MACROD2: variants seen among roughly 807,000 people sequenced by gnomAD.
MACROD2 encodes mono-ADP ribosylhydrolase 2.
MACROD2 carries 36 observed loss-of-function variants against 70.4 expected under a neutral mutation model. The ratio of observed to expected loss-of-function variants is 0.51; its 90% CI spans 0.39 to 0.68. The LOEUF (loss-of-function observed/expected upper bound fraction) is 0.68, where lower values mean the gene tolerates loss of function less well. Among genes scored for constraint, MACROD2 ranks in the 30% least tolerant of loss-of-function variants. MACROD2 has a pLI of 0.00. For synonymous variants in MACROD2, 172 were observed against 178.8 expected, an observed-to-expected ratio of 0.96 and a Z score of 0.30; for missense variants, 496 against 538.4, an observed-to-expected ratio of 0.92 and a Z score of 0.78.
chr20:14,204,070 C>A (rs1440777103), intron 3 of MACROD2, among the ~76,000 whole-genome samples: 1 of 152,104 alleles, frequency 6.6e-6, no homozygotes, highest in Non-Finnish European at 1.5e-5. Context: ...GTCCTAAGGC[C>A]CAGGGATGGT....
intron 4 of MACROD2, among the ~76,000 whole-genome samples, chr20:14,647,586 T>G (rs985739492): frequency 5.9e-5 from 9 of 152,226 alleles, no homozygotes; most frequent in African/African-American, 1.9e-4. Flanking sequence ...AACACTGTAC[T>G]AAGTTCTCAT....
chr20:15,685,124 A>G (rs1269751582), intron 8 of MACROD2, among the ~76,000 whole-genome samples: 1 of 152,224 alleles, frequency 6.6e-6, no homozygotes, highest in East Asian at 1.9e-4. Context: ...GCATTCTAAT[A>G]TAAAATATAC....
chr20:15,602,591 CT>C (rs1282014090), intron 8 of MACROD2, among the ~76,000 whole-genome samples: 3 of 152,098 alleles, frequency 2.0e-5, no homozygotes, highest in Non-Finnish European at 4.4e-5. Context: ...AGCCCAGGAT[CT>C]ATGAAGAATG....
At chr20:15,895,651 C>G (rs149978931) in intron 10 of MACROD2, among the ~76,000 whole-genome samples, 210 of 152,284 alleles carry the variant, frequency 1.4e-3, no homozygotes, top group African/African-American at 4.9e-3. Context: ...GTGGCGGCAG[C>G]CTGGGCAGGA....
intron 5 of MACROD2, among the ~76,000 whole-genome samples, chr20:15,220,609 G>A (rs534059549): frequency 6.0e-4 from 91 of 152,330 alleles, no homozygotes; most frequent in Non-Finnish European, 9.4e-4. Flanking sequence ...TCATATTAAT[G>A]GTTTATCGTA....
chr20:14,235,236 C>G (rs2122217831), intron 3 of MACROD2, among the ~76,000 whole-genome samples: 1 of 152,126 alleles, frequency 6.6e-6, no homozygotes, highest in East Asian at 1.9e-4. Flanking sequence ...TTTGTAAAGC[C>G]TAAAATTATA....
intron 4 of MACROD2, among the ~76,000 whole-genome samples, chr20:14,644,923 A>G (rs1182498918): frequency 1.3e-5 from 2 of 152,204 alleles, no homozygotes; most frequent in Non-Finnish European, 2.9e-5. Context: ...GAGTGTAGGC[A>G]GGAAACAAAT....
At chr20:14,791,163 C>CA (rs1213271294) in intron 5 of MACROD2, among the ~76,000 whole-genome samples, 1 of 151,960 alleles carries the variant, frequency 6.6e-6, no homozygotes, top group Non-Finnish European at 1.5e-5. Context: ...CTACATTGTA[C>CA]AAAAAAGCTA....
chr20:14,272,887 G>C (rs2082210107), intron 3 of MACROD2, among the ~76,000 whole-genome samples: 1 of 152,048 alleles, frequency 6.6e-6, no homozygotes, highest in Non-Finnish European at 1.5e-5. Context: ...AAGATCAAAA[G>C]AGACAAGGAA....
intron 4 of MACROD2, among the ~76,000 whole-genome samples, chr20:14,643,839 T>A (rs977985745): frequency 6.6e-6 from 1 of 152,082 alleles, no homozygotes; most frequent in Admixed American, 6.6e-5. Context: ...TTATAAAGAT[T>A]TGTTGAATGA....
intron 5 of MACROD2, among the ~76,000 whole-genome samples, chr20:14,804,666 C>T (rs2072617365): frequency 6.6e-6 from 1 of 151,898 alleles, no homozygotes; most frequent in Non-Finnish European, 1.5e-5. Context: ...TAGTGCTTCT[C>T]CCTTCTACCT....
At chr20:14,889,677 G>C (rs1028970793) in intron 5 of MACROD2, among the ~76,000 whole-genome samples, 4 of 152,156 alleles carry the variant, frequency 2.6e-5, no homozygotes, top group Non-Finnish European at 5.9e-5. Flanking sequence ...GCAGAGGGAA[G>C]ATAAATGCAG....
intron 3 of MACROD2, among the ~76,000 whole-genome samples, chr20:14,176,207 G>A (rs955699496): frequency 6.6e-6 from 1 of 152,146 alleles, no homozygotes; most frequent in Non-Finnish European, 1.5e-5. Context: ...ATGAATCATA[G>A]GATTGTGAGA....
chr20:16,028,814 T>C (rs1249759292), intron 15 of MACROD2, among the ~76,000 whole-genome samples: 1 of 152,164 alleles, frequency 6.6e-6, no homozygotes, highest in African/African-American at 2.4e-5. Context: ...GTAGCAGCTT[T>C]AGGATGGAGG....
intron 3 of MACROD2, among the ~76,000 whole-genome samples, chr20:14,359,699 C>T (rs998050057): frequency 6.6e-6 from 1 of 151,994 alleles, no homozygotes; most frequent in Admixed American, 6.5e-5. Flanking sequence ...TGGTAAAACC[C>T]GTCTCTACAA....
intron 7 of MACROD2, among the ~76,000 whole-genome samples, chr20:15,454,102 C>A (rs2046682414): frequency 6.6e-6 from 1 of 152,102 alleles, no homozygotes; most frequent in African/African-American, 2.4e-5. Flanking sequence ...TCAATAGAGG[C>A]TGTGAGCTTC....
chr20:14,239,356 C>T (rs944074152), intron 3 of MACROD2, among the ~76,000 whole-genome samples: 1 of 152,070 alleles, frequency 6.6e-6, no homozygotes, highest in Non-Finnish European at 1.5e-5. Context: ...CATTCTTCAA[C>T]GAATTAGAGA....
Position 14,297,459 on chromosome 20 carries a change from A to G in MACROD2, c.272-196020A>G, listed in dbSNP as rs188652783. ...CTACTCCAGTGAACACATGAATGAT[A>G]AGAAAGGAAAACAGCTTTACTGCTA... On this transcript the variant is annotated intron_variant, in intron 3 of 17. Coordinates refer to ENST00000684519, the MANE Select transcript of MACROD2 (RefSeq NM_001351661.2). 1.1e-3 allele frequency among the ~76,000 whole-genome samples: 174 copies of G among 152,096 alleles called. 3 individuals carry two copies. The highest frequency in any genetic ancestry group is 4.0e-3 in the African/African-American group (164 of 41,384).
chr20:14,671,938 C>T (rs2070800198), intron 4 of MACROD2, among the ~76,000 whole-genome samples: 2 of 152,186 alleles, frequency 1.3e-5, no homozygotes, highest in Admixed American at 1.3e-4. Flanking sequence ...TAATGGAATC[C>T]ACTTTTTACC....
Sources: gnomAD v4.1 joint callset for allele counts (sites outside exome capture counted in the v4.1 genomes callset) on GRCh38, gnomAD v4.1.1 for gene constraint, MANE v1.5 for transcripts, NCBI Gene and HGNC (gene_info 2026-07-23, HGNC 2026-07-21) for gene names.